Variants in CLEC4F observed in about 807,000 individuals in gnomAD.
CLEC4F encodes the protein C-type lectin domain family 4 member F.
CLEC4F carries 45 observed loss-of-function variants against 53.4 expected under a neutral mutation model. The observed-to-expected ratio is 0.84, with a 90% CI of 0.66 to 1.08. CLEC4F has a LOEUF of 1.08. Ranked by LOEUF, CLEC4F falls within the 50% of genes least tolerant of loss-of-function variation. The pLI is 0.00. For synonymous variants in CLEC4F, 245 were observed against 257.5 expected, an observed-to-expected ratio of 0.95 and a Z score of 0.46; for missense variants, 753 against 698.2, an observed-to-expected ratio of 1.08 and a Z score of -0.88.
Position 70,813,539 on chromosome 2 carries a change from T to C in CLEC4F, c.1388-941A>G, listed in dbSNP as rs75684342. Among the ~76,000 whole-genome samples, 57 of 133,350 alleles carry C rather than the reference T, an allele frequency of 4.3e-4. 1 individual carries two copies. The highest frequency in any genetic ancestry group is 1.5e-3 in the African/African-American group (52 of 33,926). The allele number at this position is 133,350 out of a possible 152,430, so 87.5% of individuals were successfully genotyped here. A position where few individuals can be genotyped will look rare whatever the true frequency, so the allele number is the denominator to read the frequency against. ...TCTTTCTTTCTTTCTTTCTTTCTTT[T>C]TTTCTTTCTTTCTTTTTTTCTTTCT... On this transcript the variant is annotated intron_variant, in intron 4 of 6. Coordinates refer to ENST00000272367, the MANE Select transcript of CLEC4F (RefSeq NM_173535.3).
rs1677171981 is a variant in CLEC4F, at chr2:70,820,397, C to G, written c.61+66G>C. ...AAGACAGCAATAAGCTGCCTTATGG[C>G]AGAGGGCCAAAGGACAGGCAGGCTA... On this transcript the variant is annotated intron_variant, in intron 1 of 6. Transcript: ENST00000272367. 2.1e-6 allele frequency: 3 copies of G among 1,440,068 alleles called. No individual in the cohort carries two copies. In the East Asian group the frequency reaches 7.4e-5, roughly 36 times the overall value. 89.2% of individuals were successfully genotyped at this position (1,440,068 alleles called of 1,614,324 possible).
At chr2:70,815,216 A>C (rs540482431) in intron 4 of CLEC4F, among the ~76,000 whole-genome samples, 2 of 152,246 alleles carry the variant, frequency 1.3e-5, no homozygotes, top group South Asian at 4.1e-4. Context: ...TTGTGTCTCC[A>C]TGCCTGCAAA....
chr2:70,819,291 C>G (rs559313748), intron 3 of CLEC4F, 64 bp downstream of exon 3: 96 of 1,260,446 alleles, frequency 7.6e-5, no homozygotes, highest in South Asian at 4.1e-4. Context: ...GAAGCTCATC[C>G]TAGGGTCTGA....
Position 70,808,844 on chromosome 2 carries a change from C to T in CLEC4F, c.*427G>A, listed in dbSNP as rs907985980. The T allele has an allele frequency of 1.1e-5, 6 of 549,770 alleles. No individual in the cohort carries two copies. The highest frequency in any genetic ancestry group is 2.0e-5 in the Non-Finnish European group (6 of 305,806). 34.1% of individuals were successfully genotyped at this position (549,770 alleles called of 1,614,324 possible). The stretch of plus-strand genomic sequence containing the variant: ...AAGGCCAACGGAAGGTCCCAGAGAA[C>T]AAGCAGAGCTCAGAGGCTCCGAAGG... On this transcript the variant is annotated 3_prime_UTR_variant, in exon 7 of 7. Coordinates refer to ENST00000272367, the MANE Select transcript of CLEC4F (RefSeq NM_173535.3).
rs560318907 is a variant in CLEC4F, at chr2:70,820,581, C to A, written c.-58G>T. On this transcript the variant is annotated 5_prime_UTR_variant, in exon 1 of 7. Transcript: ENST00000272367. ...AGCCACTGGCTCCTGGAAGGGCCGT[C>A]CCGTGGACCAATGGCAGTGGAAGCA... The A allele has an allele frequency of 1.6e-5, 25 of 1,519,300 alleles. No individual in the cohort carries two copies. Among genetic ancestry groups the A allele is most frequent in the Non-Finnish European group, 2.1e-5 (24 of 1,122,344 alleles). 94.1% of individuals were successfully genotyped at this position (1,519,300 alleles called of 1,614,324 possible).
chr2:70,809,931 CT>C, intron 5 of CLEC4F, 74 bp from the exon 6 acceptor site: 1 of 889,006 alleles, frequency 1.1e-6, no homozygotes, highest in Non-Finnish European at 1.9e-6. Context: ...GGAGAACCTG[CT>C]TATAGATATA....
upstream of CLEC4F, among the ~76,000 whole-genome samples, chr2:70,824,046 GAAA>G (rs1474265835): frequency 4.0e-5 from 3 of 75,084 alleles, no homozygotes; most frequent in African/African-American, 1.6e-4. Context: ...AAGAAAGAAA[GAAA>G]GAAAGAAAGA....
chr2:70,821,529 G>A (rs189612687), upstream of CLEC4F, among the ~76,000 whole-genome samples: 10 of 152,310 alleles, frequency 6.6e-5, no homozygotes, highest in East Asian at 1.9e-3. Flanking sequence ...CCACATGCCA[G>A]GAGGGTGTCA....
At chr2:70,811,291 T>C (rs1676545795) in intron 5 of CLEC4F, 3 of 1,036,580 alleles carry the variant, frequency 2.9e-6, no homozygotes, top group South Asian at 2.5e-5. Flanking sequence ...TCTTGGCCTT[T>C]AGGTGCTTCA....
At chr2:70,810,649 C>T (rs1251497778) in intron 5 of CLEC4F, 1 of 169,818 alleles carries the variant, frequency 5.9e-6, no homozygotes, top group Non-Finnish European at 1.2e-5. Context: ...AAAGTATTTC[C>T]CATTTTAAAA....
At chr2:70,821,368 C>T (rs1677213207), upstream of CLEC4F, among the ~76,000 whole-genome samples, 1 of 152,110 alleles carries the variant, frequency 6.6e-6, no homozygotes, top group Non-Finnish European at 1.5e-5. Flanking sequence ...CCCAGAAAGA[C>T]CAAACATGGG....
rs1553396046 is a variant in CLEC4F at position 70,816,554 on chromosome 2, T to C, written c.827A>G (p.Asn276Ser). Reference protein sequence around the residue: ...DLRTQNQVLRNSLEGANAEIQ... With the variant: ...DLRTQNQVLRSSLEGANAEIQ... ...CTCAGCATTGGCTCCTTCCAAACTATTTCTTAAAACCTGGTTCTGGGTCCT... is the reference window on the plus strand; with the variant it reads ...CTCAGCATTGGCTCCTTCCAAACTACTTCTTAAAACCTGGTTCTGGGTCCT... Residue 276 changes from asparagine (N) to serine (S), a missense_variant, in exon 4 of 7, where the codon AAT becomes AGT. Physicochemically the swap from Asn to Ser is conservative, Grantham distance 46. Transcript: ENST00000272367. The C allele has an allele frequency of 1.2e-6, 2 of 1,613,978 alleles. No homozygotes were observed. The highest frequency in any genetic ancestry group is 1.1e-5 in the South Asian group (1 of 91,062).
Position 70,819,337 on chromosome 2 carries a change from C to T in CLEC4F, c.268+18G>A. 1 of 1,606,156 alleles carries T rather than the reference C, an allele frequency of 6.2e-7. No individual in the cohort carries two copies. The highest frequency in any genetic ancestry group is 8.5e-7 in the Non-Finnish European group (1 of 1,172,822). On this transcript the variant is annotated intron_variant, in intron 3 of 6. Transcript: ENST00000272367. ...GCCCCAGTTCCCTCTGCACCCCACC[C>T]CCACTGTGGCTACTCACTGTTGGGT...
Position 70,808,823 on chromosome 2 carries a change from CCAA to C in CLEC4F, c.*445_*447del. On this transcript the variant is annotated 3_prime_UTR_variant, in exon 7 of 7. Coordinates refer to ENST00000272367, the MANE Select transcript of CLEC4F (RefSeq NM_173535.3). ...AGAACAAGGCAGGAAGTCCACAAGG[CCAA>C]CGGAAGGTCCCAGAGAACAAGCAGA... 1 of 511,454 alleles carries C rather than the reference CCAA, an allele frequency of 2.0e-6. No individual in the cohort carries two copies. The highest frequency in any genetic ancestry group is 3.5e-6 in the Non-Finnish European group (1 of 281,968). The allele number at this position is 511,454 out of a possible 1,614,324, so 31.7% of individuals were successfully genotyped here.
At chr2:70,810,393 C>G (rs180688511) in intron 5 of CLEC4F, among the ~76,000 whole-genome samples, 3 of 151,950 alleles carry the variant, frequency 2.0e-5, no homozygotes, top group Non-Finnish European at 2.9e-5. Context: ...CCAAGGCAGG[C>G]GGATCACCTG....
intron 3 of CLEC4F, among the ~76,000 whole-genome samples, chr2:70,817,739 T>G (rs1677000503): frequency 3.9e-5 from 6 of 152,186 alleles, no homozygotes; most frequent in Admixed American, 3.9e-4. Context: ...TCAACAGGGC[T>G]ATGATAGAGG....
At chr2:70,822,678 C>T (rs531894348), upstream of CLEC4F, among the ~76,000 whole-genome samples, 9 of 152,212 alleles carry the variant, frequency 5.9e-5, no homozygotes, top group African/African-American at 1.7e-4. Context: ...TTACTTCAAA[C>T]GGTCACAATC....
At chr2:70,812,109 T>C (rs1436555558) in intron 5 of CLEC4F, among the ~76,000 whole-genome samples, 1 of 152,034 alleles carries the variant, frequency 6.6e-6, no homozygotes, top group African/African-American at 2.4e-5. Flanking sequence ...AAAAGATGAC[T>C]GGAAACAAGC....
intron 5 of CLEC4F, chr2:70,810,907 C>A: frequency 1.9e-6 from 1 of 537,846 alleles, no homozygotes; most frequent in South Asian, 1.5e-5. Context: ...TTTAATAAAC[C>A]AATGGCACAA....
Sources: allele counts gnomAD v4.1 joint callset (sites outside exome capture counted in the v4.1 genomes callset), GRCh38; gene constraint gnomAD v4.1.1; transcripts MANE v1.5; gene names NCBI Gene and HGNC (gene_info 2026-07-23, HGNC 2026-07-21).